GFRA1: variants seen among roughly 807,000 people sequenced by gnomAD.
GFRA1 encodes GDNF family receptor alpha-1.
In GFRA1, 16 loss-of-function variants were observed where a neutral mutation model predicts 51.6. The ratio of observed to expected loss-of-function variants is 0.31; its 90% CI spans 0.21 to 0.47. The LOEUF (loss-of-function observed/expected upper bound fraction) is 0.47. GFRA1 is among the 20% of genes least tolerant of loss of function. The pLI is 1.00. For missense variants in GFRA1, 530 were observed against 594.3 expected, an observed-to-expected ratio of 0.89 and a Z score of 1.13; for synonymous variants, 270 against 241.3, an observed-to-expected ratio of 1.12 and a Z score of -1.10.
intron 4 of GFRA1, among the ~76,000 whole-genome samples, chr10:116,267,759 T>TA (rs1210293163): frequency 3.3e-5 from 5 of 152,156 alleles, no homozygotes; most frequent in Admixed American, 6.5e-5. Flanking sequence ...GGTGGTCACA[T>TA]ACGTTTGTCT....
intron 4 of GFRA1, among the ~76,000 whole-genome samples, chr10:116,257,551 A>C (rs1272333287): frequency 6.6e-6 from 1 of 152,054 alleles, no homozygotes; most frequent in East Asian, 1.9e-4. Flanking sequence ...TCCTGGGCTC[A>C]TTTTTTGTTT....
At chr10:116,136,750 G>A (rs1958341772) in intron 5 of GFRA1, among the ~76,000 whole-genome samples, 1 of 152,140 alleles carries the variant, frequency 6.6e-6, no homozygotes. Flanking sequence ...GAAGCCTGAG[G>A]CATGTGTTCT....
At chr10:116,208,209 C>G (rs547623648) in intron 5 of GFRA1, among the ~76,000 whole-genome samples, 1 of 152,138 alleles carries the variant, frequency 6.6e-6, no homozygotes, top group Non-Finnish European at 1.5e-5. Context: ...ACTTCAGTAA[C>G]TGGCCCTACT....
At chr10:116,077,777 G>A (rs1340875133) in intron 9 of GFRA1, among the ~76,000 whole-genome samples, 1 of 152,212 alleles carries the variant, frequency 6.6e-6, no homozygotes, top group African/African-American at 2.4e-5. Flanking sequence ...CAGCAAGGCA[G>A]CCCAGCACCT....
chr10:116,205,614 T>C (rs375112093), intron 5 of GFRA1, among the ~76,000 whole-genome samples: 7 of 122,164 alleles, frequency 5.7e-5, no homozygotes, highest in African/African-American at 2.1e-4. Context: ...TATATATATA[T>C]ATATATATAT....
At chr10:116,081,250 C>T (rs973995479) in intron 9 of GFRA1, among the ~76,000 whole-genome samples, 7 of 152,154 alleles carry the variant, frequency 4.6e-5, no homozygotes, top group South Asian at 2.1e-4. Context: ...TTGGGGACCA[C>T]GGCCATAACC....
intron 9 of GFRA1, among the ~76,000 whole-genome samples, chr10:116,069,348 T>C (rs1343224054): frequency 1.3e-5 from 2 of 152,150 alleles, no homozygotes; most frequent in Non-Finnish European, 2.9e-5. Context: ...TGACTCTAAG[T>C]TGGGGGAAAC....
chr10:116,203,803 T>G (rs1189573997), intron 5 of GFRA1, among the ~76,000 whole-genome samples: 2 of 152,216 alleles, frequency 1.3e-5, no homozygotes, highest in African/African-American at 4.8e-5. Context: ...TACAGAGGGT[T>G]TAAGCACTCA....
At chr10:116,162,212 G>A (rs1459760975) in intron 5 of GFRA1, among the ~76,000 whole-genome samples, 1 of 152,220 alleles carries the variant, frequency 6.6e-6, no homozygotes, top group Non-Finnish European at 1.5e-5. Flanking sequence ...AGCGGAGCCA[G>A]GCCTGATTTG....
chr10:116,236,217 G>A (rs1966872856), intron 4 of GFRA1, among the ~76,000 whole-genome samples: 1 of 152,064 alleles, frequency 6.6e-6, no homozygotes, highest in African/African-American at 2.4e-5. Flanking sequence ...TGCCCAAGGG[G>A]GACCTGCACT....
chr10:116,185,070 G>A (rs1962576656), intron 5 of GFRA1, among the ~76,000 whole-genome samples: 1 of 152,138 alleles, frequency 6.6e-6, no homozygotes, highest in African/African-American at 2.4e-5. Flanking sequence ...TGAATGTAAG[G>A]AGAGAATCTT....
At chr10:116,098,984 G>T (rs558752159) in intron 6 of GFRA1, among the ~76,000 whole-genome samples, 2 of 152,310 alleles carry the variant, frequency 1.3e-5, no homozygotes, top group East Asian at 3.9e-4. Context: ...CCAGTGGATG[G>T]GAAGAGAGTT....
chr10:116,187,288 T>C (rs1006041381), intron 5 of GFRA1, among the ~76,000 whole-genome samples: 2 of 152,206 alleles, frequency 1.3e-5, no homozygotes, highest in Admixed American at 1.3e-4. Flanking sequence ...TTTGAGGTCA[T>C]GAGGCTGGAG....
At chr10:116,174,462 T>C (rs1961381484) in intron 5 of GFRA1, among the ~76,000 whole-genome samples, 2 of 152,226 alleles carry the variant, frequency 1.3e-5, no homozygotes, top group South Asian at 2.1e-4. Context: ...TAAAAATCAA[T>C]AGTCTGCCTA....
chr10:116,078,314 C>A (rs1415344167), intron 9 of GFRA1, among the ~76,000 whole-genome samples: 1 of 152,090 alleles, frequency 6.6e-6, no homozygotes, highest in African/African-American at 2.4e-5. Context: ...TTTACAACAG[C>A]CTCTTTTCTC....
chr10:116,151,728 C>A (rs1959072543), intron 5 of GFRA1, among the ~76,000 whole-genome samples: 1 of 152,106 alleles, frequency 6.6e-6, no homozygotes, highest in Admixed American at 6.5e-5. Flanking sequence ...ACCTGGCAGA[C>A]CATTGGCCTT....
At chr10:116,116,909 T>C (rs940937746) in intron 6 of GFRA1, among the ~76,000 whole-genome samples, 2 of 152,140 alleles carry the variant, frequency 1.3e-5, no homozygotes, top group African/African-American at 4.8e-5. Flanking sequence ...TGCTGAGCCA[T>C]AAAGAGTGTC....
chr10:116,215,737 C>G (rs771009918), intron 4 of GFRA1, among the ~76,000 whole-genome samples: 6 of 152,146 alleles, frequency 3.9e-5, no homozygotes, highest in Non-Finnish European at 8.8e-5. Context: ...AGGTTGAGCC[C>G]AAAGGGCACC....
intron 5 of GFRA1, among the ~76,000 whole-genome samples, chr10:116,128,303 C>T (rs896557052): frequency 3.9e-5 from 6 of 152,100 alleles, no homozygotes; most frequent in African/African-American, 1.4e-4. Context: ...AGAATAAGAG[C>T]TTACAGTTTT....
Sources: gnomAD v4.1 joint callset for allele counts (sites outside exome capture counted in the v4.1 genomes callset) on GRCh38, gnomAD v4.1.1 for gene constraint, MANE v1.5 for transcripts, NCBI Gene and HGNC (gene_info 2026-07-23, HGNC 2026-07-21) for gene names.